Variants in TCF7L2 observed in about 807,000 individuals in gnomAD.
The protein encoded by TCF7L2 is transcription factor 7-like 2.
Under a neutral mutation model 77.9 loss-of-function variants are expected in TCF7L2, and 23 were observed. The observed-to-expected ratio is 0.30, with a 90% CI of 0.21 to 0.42. TCF7L2 has a LOEUF of 0.42. Ranked by LOEUF, TCF7L2 falls within the 10% of genes least tolerant of loss-of-function variation. TCF7L2 has a pLI of 1.00. For synonymous variants in TCF7L2, 413 were observed against 340.2 expected, an observed-to-expected ratio of 1.21 and a Z score of -2.36; for missense variants, 654 against 793.1, an observed-to-expected ratio of 0.82 and a Z score of 2.11.
chr10:113,013,122 T>G (rs966505520), intron 4 of TCF7L2, among the ~76,000 whole-genome samples: 1 of 149,906 alleles, frequency 6.7e-6, no homozygotes, highest in Non-Finnish European at 1.5e-5. Flanking sequence ...TGGTTTTTTT[T>G]TTTTTTTTTT....
chr10:113,080,256 A>G (rs2059189308), intron 5 of TCF7L2, among the ~76,000 whole-genome samples: 1 of 151,916 alleles, frequency 6.6e-6, no homozygotes, highest in South Asian at 2.1e-4. Flanking sequence ...CCCTTATGCC[A>G]TGAAAACTTC....
At chr10:113,024,704 C>A (rs2048836767) in intron 4 of TCF7L2, among the ~76,000 whole-genome samples, 1 of 147,332 alleles carries the variant, frequency 6.8e-6, no homozygotes, top group Non-Finnish European at 1.5e-5. Flanking sequence ...ACTGCAACCT[C>A]TACCTCCCAG....
At chr10:113,133,044 G>C (rs1055416930) in intron 5 of TCF7L2, 1 of 152,196 alleles carries the variant, frequency 6.6e-6, no homozygotes, top group African/African-American at 2.4e-5. Context: ...TGTTTTAAAG[G>C]TTGGCTGGGG....
At position 113,145,908 on chromosome 10, in the gene TCF7L2, AAT is replaced by A. The variant is rs559499484; in HGVS notation, c.789-101_789-100del. On this transcript the variant is annotated intron_variant, in intron 7 of 13. Transcript: ENST00000627217. Reference sequence around the variant, plus strand: ...AAGATTTTTGTTCTGATCAAATGAGAATAAAGCTTACTGTGCAGAGAGAACTT... The same window carrying A: ...AAGATTTTTGTTCTGATCAAATGAGAAAAGCTTACTGTGCAGAGAGAACTT... The A allele has an allele frequency of 2.7e-5, 26 of 955,232 alleles. No individual in the cohort carries two copies. In the South Asian group the frequency reaches 4.0e-4, roughly 15 times the overall value. 59.2% of individuals were successfully genotyped at this position (955,232 alleles called of 1,614,324 possible).
intron 5 of TCF7L2, among the ~76,000 whole-genome samples, chr10:113,054,099 C>T (rs570240958): frequency 7.9e-5 from 12 of 152,292 alleles, no homozygotes; most frequent in Middle Eastern, 3.4e-3. Flanking sequence ...CTGTTAGTTC[C>T]TGTTGAGGAA....
chr10:113,162,441 C>G (rs2073313292), intron 13 of TCF7L2, among the ~76,000 whole-genome samples: 1 of 151,902 alleles, frequency 6.6e-6, no homozygotes, highest in African/African-American at 2.4e-5. Flanking sequence ...TTGGGCATAG[C>G]TTTAGCTTAC....
chr10:112,965,629 ATGTGTGTGTGTGTGTGTGTGTGTG>A (rs59587175), intron 4 of TCF7L2, among the ~76,000 whole-genome samples: 13 of 137,214 alleles, frequency 9.5e-5, no homozygotes, highest in Non-Finnish European at 1.7e-4. Context: ...GTGTGTGTAT[ATGTGTGTGTGTGTGTGTGTGTGTG>A]TGTGTGTGTG....
intron 12 of TCF7L2, 138 bp from the exon 14 acceptor site, chr10:113,159,782 T>C: frequency 1.5e-6 from 1 of 651,734 alleles, no homozygotes; most frequent in Admixed American, 2.4e-5. Context: ...AGGTCATTGA[T>C]TTATTCCCTT....
chr10:112,991,160 A>T (rs1439254283), intron 4 of TCF7L2, among the ~76,000 whole-genome samples: 1 of 152,116 alleles, frequency 6.6e-6, no homozygotes, highest in African/African-American at 2.4e-5. Context: ...TGGGGAAGCT[A>T]ACAGAGATCT....
intron 8 of TCF7L2, among the ~76,000 whole-genome samples, chr10:113,146,872 G>A (rs1007533308): frequency 1.3e-5 from 2 of 151,388 alleles, no homozygotes; most frequent in African/African-American, 4.9e-5. Flanking sequence ...ATATCATAGT[G>A]GTCTGTGCAG....
chr10:112,973,779 C>A (rs778665882), intron 4 of TCF7L2, among the ~76,000 whole-genome samples: 2 of 151,982 alleles, frequency 1.3e-5, no homozygotes, highest in Admixed American at 6.6e-5. Context: ...TTGGTAGATA[C>A]GGCGTTTCAC....
intron 11 of TCF7L2, among the ~76,000 whole-genome samples, chr10:113,153,533 G>A (rs904111640): frequency 6.6e-5 from 10 of 152,284 alleles, no homozygotes; most frequent in South Asian, 6.2e-4. Context: ...GGTCGAGGTC[G>A]TTAAATTATT....
At chr10:113,051,765 A>C (rs959606150) in intron 5 of TCF7L2, among the ~76,000 whole-genome samples, 1 of 152,024 alleles carries the variant, frequency 6.6e-6, no homozygotes, top group African/African-American at 2.4e-5. Flanking sequence ...TGAAATTCTT[A>C]TTTTCATATT....
intron 5 of TCF7L2, among the ~76,000 whole-genome samples, chr10:113,109,443 G>GT (rs1272456918): frequency 6.6e-6 from 1 of 152,188 alleles, no homozygotes; most frequent in African/African-American, 2.4e-5. Context: ...CCAGGCTGGA[G>GT]TGCAGTGGTG....
At chr10:112,989,370 AAAAAG>A (rs2042120162) in intron 4 of TCF7L2, among the ~76,000 whole-genome samples, 1 of 151,916 alleles carries the variant, frequency 6.6e-6, no homozygotes, top group African/African-American at 2.4e-5. Context: ...TTAAAAAAAA[AAAAAG>A]AAAAAAAGCC....
intron 4 of TCF7L2, among the ~76,000 whole-genome samples, chr10:112,983,600 T>C (rs1358469271): frequency 6.6e-6 from 1 of 152,224 alleles, no homozygotes; most frequent in Non-Finnish European, 1.5e-5. Flanking sequence ...GGGTTTCCCT[T>C]GGGCCTCTGT....
At chr10:113,012,854 T>TGAA (rs2046687071) in intron 4 of TCF7L2, among the ~76,000 whole-genome samples, 1 of 152,178 alleles carries the variant, frequency 6.6e-6, no homozygotes, top group South Asian at 2.1e-4. Flanking sequence ...ACATGATTAA[T>TGAA]TTTGACTGAT....
Position 112,966,184 on chromosome 10 carries a change from T to TTATATATATATATATATATA in TCF7L2, c.450+1568_450+1587dup, listed in dbSNP as rs141060651. On this transcript the variant is annotated intron_variant, in intron 4 of 13. Transcript: ENST00000627217. The stretch of plus-strand genomic sequence containing the variant: ...GAGTGAGACTCTGTCTAAAATATAT[T>TTATATATATATATATATATA]TATATATATATATATATATATATAT... Among the ~76,000 whole-genome samples, 92 of 114,196 alleles carry TTATATATATATATATATATA rather than the reference T, an allele frequency of 8.1e-4. 4 individuals carry two copies. The highest frequency in any genetic ancestry group is 3.9e-3 in the African/African-American group (81 of 20,982). 74.9% of individuals were successfully genotyped at this position (114,196 alleles called of 152,430 possible). A position where few individuals can be genotyped will look rare whatever the true frequency, so the allele number is the denominator to read the frequency against.
At chr10:113,015,616 C>T (rs1427809843) in intron 4 of TCF7L2, among the ~76,000 whole-genome samples, 1 of 152,146 alleles carries the variant, frequency 6.6e-6, no homozygotes, top group Admixed American at 6.6e-5. Flanking sequence ...CTATATACTA[C>T]AGGCATGCGC....
Sources: gnomAD v4.1 joint callset for allele counts (sites outside exome capture counted in the v4.1 genomes callset) on GRCh38, gnomAD v4.1.1 for gene constraint, MANE v1.5 for transcripts, NCBI Gene and HGNC (gene_info 2026-07-23, HGNC 2026-07-21) for gene names.